The following TULP3 variants were observed in gnomAD, a reference collection of about 807,000 sequenced individuals.
TULP3 encodes the protein tubby-related protein 3.
TULP3 carries 38 observed loss-of-function variants against 50.7 expected under a neutral mutation model. The observed-to-expected ratio is 0.75, with a 90% CI of 0.58 to 0.98. TULP3 has a LOEUF of 0.98. Ranked by LOEUF, TULP3 falls within the 50% of genes least tolerant of loss-of-function variation. TULP3 has a pLI of 0.00. For synonymous variants in TULP3, 183 were observed against 196.6 expected (o/e 0.93, Z 0.58); for missense variants, 550 against 568.0 (o/e 0.97, Z 0.32).
chr12:2,898,145 C>T (rs1603503827), intron 1 of TULP3, among the ~76,000 whole-genome samples: 1 of 149,246 alleles, frequency 6.7e-6, no homozygotes, highest in African/African-American at 2.5e-5. Flanking sequence ...AGCCAAGTTT[C>T]ATTTAATCTT....
intron 2 of TULP3, among the ~76,000 whole-genome samples, chr12:2,911,664 C>CTTTTTTTTTTTTTTTTTTTT (rs56027951): frequency 2.6e-4 from 10 of 38,172 alleles, no homozygotes; most frequent in Admixed American, 8.1e-4. Context: ...TGCGCCCAGC[C>CTTTTTTTTTTTTTTTTTTTT]TTTTTTTTTT....
At chr12:2,922,975 T>C in intron 4 of TULP3, among the ~76,000 whole-genome samples, 1 of 151,314 alleles carries the variant, frequency 6.6e-6, no homozygotes, top group East Asian at 2.0e-4. Context: ...TGCCTCAGCC[T>C]CCTGAGTAGC....
At position 2,934,433 on chromosome 12, in the gene TULP3, T is replaced by C; in HGVS notation, c.810-14T>C. On this transcript the variant is annotated splice_polypyrimidine_tract_variant and intron_variant, in intron 7 of 10. Transcript: ENST00000448120. ...AATACAGATCATCATGGTGACTTTT[T>C]CTCCTGACTCCAGATCCAACCTCAT... 6.5e-7 allele frequency: 1 copy of C among 1,529,996 alleles called. No individual in the cohort carries two copies. 94.8% of individuals were successfully genotyped at this position (1,529,996 alleles called of 1,614,324 possible).
At chr12:2,902,651 G>A (rs1022682877) in intron 1 of TULP3, among the ~76,000 whole-genome samples, 2 of 152,128 alleles carry the variant, frequency 1.3e-5, no homozygotes, top group Non-Finnish European at 2.9e-5. Flanking sequence ...GATTCTTGAG[G>A]GTCATTAGTA....
rs2153950167 is a variant in TULP3, at chr12:2,930,258, A to C, written c.405A>C (p.Glu135Asp). The C allele has an allele frequency of 1.9e-6, 3 of 1,611,608 alleles. No homozygotes were observed. In the East Asian group the frequency reaches 6.7e-5, roughly 36 times the overall value. ...TTCCTTTTCTGCTAGATATCTCTGA[A>C]AGTGTGAACTTCGATGAGGAGACTG... ...QERLQKHDIS[E>D]SVNFDEETDG... Residue 135 changes from glutamate (E) to aspartate (D), a missense_variant, in exon 5 of 11, where the codon GAA (glutamate) becomes GAC (aspartate). Glu to Asp is a conservative substitution (Grantham distance 45). Coordinates refer to ENST00000448120, the MANE Select transcript of TULP3 (RefSeq NM_003324.5).
intron 5 of TULP3, chr12:2,930,819 T>C: frequency 1.6e-6 from 1 of 612,724 alleles, no homozygotes; most frequent in Non-Finnish European, 2.9e-6. Flanking sequence ...TTTTTCTGTC[T>C]CAGGTCAGCT....
Position 2,933,424 on chromosome 12 carries a change from C to T in TULP3, c.703C>T (p.Leu235Phe), listed in dbSNP as rs200808802. The change falls in exon 7 of 11, where the codon CTT becomes TTT. Residue 235 changes from leucine (L) to phenylalanine (F), a missense_variant. Leu to Phe is a conservative substitution (Grantham distance 22). Transcript: ENST00000448120. The part of the protein sequence containing the change: ...LEKEENQKIF[L>F]LAARKRKKSK... Reference sequence around the variant, plus strand: ...ACACTTTTTCTTTTCCCAGATATTTCTTCTTGCAGCTAGAAAGCGGAAAAA... The same window carrying T: ...ACACTTTTTCTTTTCCCAGATATTTTTTCTTGCAGCTAGAAAGCGGAAAAA... 91 of 1,610,728 alleles carry T rather than the reference C, an allele frequency of 5.6e-5. No homozygotes were observed. Among genetic ancestry groups the T allele is most frequent in the Non-Finnish European group, 7.6e-5 (90 of 1,177,194 alleles).
Position 2,940,043 on chromosome 12 carries a change from TAGTC to T in TULP3, c.*601_*604del. 7.8e-7 allele frequency: 1 copy of T among 1,289,030 alleles called. No individual in the cohort carries two copies. Among genetic ancestry groups the T allele is most frequent in the Non-Finnish European group, 1.0e-6 (1 of 988,554 alleles). 79.8% of individuals were successfully genotyped at this position (1,289,030 alleles called of 1,614,324 possible). ...ACAGCAGATTGGCCGGCACCAATCT[TAGTC>T]AAGAGTGGCTGTGATCACATTTGTG... On this transcript the variant is annotated 3_prime_UTR_variant, in exon 11 of 11. Transcript: ENST00000448120.
intron 4 of TULP3, among the ~76,000 whole-genome samples, chr12:2,923,288 G>C (rs2098192832): frequency 6.6e-6 from 1 of 152,160 alleles, no homozygotes; most frequent in Non-Finnish European, 1.5e-5. Context: ...TGGCATATAT[G>C]AATCAGGAGA....
At chr12:2,893,286 G>A (rs116122989) in intron 1 of TULP3, among the ~76,000 whole-genome samples, 1,714 of 146,328 alleles carry the variant, frequency 0.012, 38 homozygotes, top group African/African-American at 0.041. Context: ...GGAGTCTCTT[G>A]CTTTTTTCTC....
chr12:2,937,198 T>TG (rs2098201760), intron 8 of TULP3, among the ~76,000 whole-genome samples: 1 of 126,230 alleles, frequency 7.9e-6, no homozygotes, highest in Non-Finnish European at 1.6e-5. Context: ...TTGGTACACC[T>TG]GATTTTTTTT....
At chr12:2,934,070 A>C (rs1178241226) in intron 7 of TULP3, among the ~76,000 whole-genome samples, 1 of 152,164 alleles carries the variant, frequency 6.6e-6, no homozygotes, top group African/African-American at 2.4e-5. Flanking sequence ...CAACACACTG[A>C]GACATTATCT....
intron 2 of TULP3, among the ~76,000 whole-genome samples, chr12:2,918,190 G>C (rs891539894): frequency 2.0e-5 from 3 of 151,750 alleles, no homozygotes; most frequent in African/African-American, 7.2e-5. Flanking sequence ...CTCGGCTCAC[G>C]GCAACCTCTG....
intron 1 of TULP3, among the ~76,000 whole-genome samples, chr12:2,905,866 A>G (rs1333781504): frequency 1.3e-5 from 2 of 151,796 alleles, no homozygotes; most frequent in South Asian, 2.1e-4. Flanking sequence ...GTTTTCCCCC[A>G]TGCCAGAAGT....
At chr12:2,895,256 C>T (rs1196411530) in intron 1 of TULP3, among the ~76,000 whole-genome samples, 1 of 152,160 alleles carries the variant, frequency 6.6e-6, no homozygotes, top group African/African-American at 2.4e-5. Context: ...CCTCCCTCTC[C>T]CCAGGCAGTT....
chr12:2,893,332 T>G (rs547440063), intron 1 of TULP3, among the ~76,000 whole-genome samples: 12 of 150,610 alleles, frequency 8.0e-5, no homozygotes, highest in South Asian at 6.3e-4. Flanking sequence ...AATGTGTTTT[T>G]TTTTTTTTTT....
intron 1 of TULP3, among the ~76,000 whole-genome samples, chr12:2,897,175 A>C (rs575710213): frequency 6.6e-6 from 1 of 152,002 alleles, no homozygotes; most frequent in Admixed American, 6.6e-5. Flanking sequence ...ACCCCTGGCT[A>C]ATTTTTGTAT....
chr12:2,919,864 C>A (rs529342578), intron 2 of TULP3, among the ~76,000 whole-genome samples: 91 of 151,458 alleles, frequency 6.0e-4, no homozygotes, highest in Non-Finnish European at 9.6e-4. Context: ...TTGATATGTT[C>A]CAACTGCCAT....
chr12:2,939,240 A>T lies in TULP3; in HGVS notation c.1196-71A>T. ...AGCAAAACCCCATCTAAGAAAAGGA[A>T]GAAAAAGAAAAAGATTTCCCTGAGT... On this transcript the variant is annotated intron_variant, in intron 10 of 10. Transcript: ENST00000448120. The surrounding 1 kb of genome is among the most constrained non-coding windows in gnomAD (Gnocchi z 4.0). The T allele has an allele frequency of 6.5e-7, 1 of 1,539,372 alleles. No individual in the cohort carries two copies. Among genetic ancestry groups the T allele is most frequent in the Non-Finnish European group, 8.9e-7 (1 of 1,126,376 alleles).
Sources: gnomAD v4.1 joint callset for allele counts (sites outside exome capture counted in the v4.1 genomes callset) on GRCh38, gnomAD v4.1.1 for gene constraint, Gnocchi (gnomAD v3.1) non-coding constraint, MANE v1.5 for transcripts, NCBI Gene and HGNC (gene_info 2026-07-23, HGNC 2026-07-21) for gene names.